Variants in SCO1 observed in about 807,000 individuals in gnomAD.
SCO1 encodes the protein synthesis of cytochrome C oxidase 1, also known as cytochrome c oxidase assembly factor SCO1.
A neutral mutation model predicts 34.0 loss-of-function variants in SCO1; 23 were observed. That is an observed-to-expected ratio of 0.68 (90% CI 0.49 to 0.96). The LOEUF is 0.96. SCO1 is among the 40% of genes least tolerant of loss of function. SCO1 has a pLI of 0.00. For missense variants in SCO1, 404 were observed against 381.6 expected, an observed-to-expected ratio of 1.06 and a Z score of -0.49; for synonymous variants, 161 against 145.5, an observed-to-expected ratio of 1.11 and a Z score of -0.77.
rs1567576986 is a variant in SCO1 at position 10,696,077 on chromosome 17, A to AT, written c.274-247_274-246insA. On this transcript the variant is annotated intron_variant, in intron 1 of 5. Coordinates refer to ENST00000255390, the MANE Select transcript of SCO1 (RefSeq NM_004589.4). Reference sequence around the variant, plus strand: ...TCAGTTCTCTTCATGTAAATAAAAAAAAAAAAAAAAAAAAAAAAAAGCTCA... The same window carrying AT: ...TCAGTTCTCTTCATGTAAATAAAAAATAAAAAAAAAAAAAAAAAAAAGCTCA... Among the ~76,000 whole-genome samples the AT allele has an allele frequency of 2.0e-5, 3 of 149,418 alleles. No homozygotes were observed. The East Asian group carries it at 5.9e-4, about 29-fold the overall frequency.
At chr17:10,686,395 C>G (rs192537564) in intron 5 of SCO1, among the ~76,000 whole-genome samples, 1 of 151,790 alleles carries the variant, frequency 6.6e-6, no homozygotes, top group South Asian at 2.1e-4. Flanking sequence ...GCCTGGCCAA[C>G]GTGGTGAAAC....
At position 10,677,894 on chromosome 17, in the gene SCO1, T is replaced by C. The variant is rs2074592472; in HGVS notation, c.*3225A>G. The C allele has an allele frequency of 6.6e-6, 1 of 152,232 alleles. No homozygotes were observed. The highest frequency in any genetic ancestry group is 2.4e-5 in the African/African-American group (1 of 41,420). 9.4% of individuals were successfully genotyped at this position (152,232 alleles called of 1,614,324 possible). ...CACTTTGGGAGGCCGAGGCGGCGGA[T>C]CACCTGAGGTCGGGAGTTTGAGACC... On this transcript the variant is annotated 3_prime_UTR_variant, in exon 6 of 6. Transcript: ENST00000255390.
chr17:10,684,799 C>A (rs116154410), intron 5 of SCO1, among the ~76,000 whole-genome samples: 1 of 152,208 alleles, frequency 6.6e-6, no homozygotes, highest in African/African-American at 2.4e-5. Context: ...GACAGAAGTC[C>A]GGAAAGTCCT....
At chr17:10,688,560 A>G (rs2074670900) in intron 4 of SCO1, among the ~76,000 whole-genome samples, 1 of 152,212 alleles carries the variant, frequency 6.6e-6, no homozygotes. Flanking sequence ...GCAGAAATAT[A>G]CCATTTTGGA....
Position 10,686,978 on chromosome 17 carries a change from T to C in SCO1, c.656-136A>G, listed in dbSNP as rs1016345358. ...TGAGTCTCCAAACATTTCTTCACGATTCAAAGGAAAAGGAGAAGAAATTCA... is the reference window on the plus strand; with the variant it reads ...TGAGTCTCCAAACATTTCTTCACGACTCAAAGGAAAAGGAGAAGAAATTCA... On this transcript the variant is annotated intron_variant, in intron 4 of 5. Coordinates refer to ENST00000255390, the MANE Select transcript of SCO1 (RefSeq NM_004589.4). The C allele has an allele frequency of 8.7e-6, 6 of 690,158 alleles. No individual in the cohort carries two copies. In the African/African-American group the frequency reaches 1.1e-4, roughly 12 times the overall value. The allele number at this position is 690,158 out of a possible 1,614,324, so 42.8% of individuals were successfully genotyped here. A position where few individuals can be genotyped will look rare whatever the true frequency, so the allele number is the denominator to read the frequency against.
intron 5 of SCO1, among the ~76,000 whole-genome samples, chr17:10,684,629 C>T (rs1471229184): frequency 1.3e-5 from 2 of 152,188 alleles, no homozygotes; most frequent in Non-Finnish European, 2.9e-5. Flanking sequence ...GTTATGAGTT[C>T]TAAGCATCAA....
chr17:10,676,300 A>C lies in SCO1; in HGVS notation c.*4819T>G, dbSNP rs2074580146. The C allele has an allele frequency of 6.6e-6, 1 of 152,142 alleles. No individual in the cohort carries two copies. Among genetic ancestry groups the C allele is most frequent in the Non-Finnish European group, 1.5e-5 (1 of 68,058 alleles). 9.4% of individuals were successfully genotyped at this position (152,142 alleles called of 1,614,324 possible). ...AGAGACGGGTTTCTCCATGTTGGTCAGGCCAGTCTCGAACTCTCAACCTCA... is the reference window on the plus strand; with the variant it reads ...AGAGACGGGTTTCTCCATGTTGGTCCGGCCAGTCTCGAACTCTCAACCTCA... On this transcript the variant is annotated 3_prime_UTR_variant, in exon 6 of 6. Coordinates refer to ENST00000255390, the MANE Select transcript of SCO1 (RefSeq NM_004589.4).
intron 3 of SCO1, 128 bp from the exon 4 acceptor site, chr17:10,692,092 A>G: frequency 1.4e-6 from 1 of 721,092 alleles, no homozygotes; most frequent in Middle Eastern, 2.3e-4. Context: ...ACATCTTAAC[A>G]TTCAGGTGAA....
chr17:10,688,932 C>A (rs370137257), intron 4 of SCO1, among the ~76,000 whole-genome samples: 1 of 141,982 alleles, frequency 7.0e-6, no homozygotes, highest in Non-Finnish European at 1.5e-5. Flanking sequence ...CCGGCTAAAA[C>A]GGTGAAACCC....
chr17:10,696,234 C>T (rs2074724688), intron 1 of SCO1, among the ~76,000 whole-genome samples: 1 of 152,058 alleles, frequency 6.6e-6, no homozygotes, highest in African/African-American at 2.4e-5. Context: ...CACCTGAGGT[C>T]GGGAGTTTGA....
At chr17:10,688,520 C>T (rs1253544118) in intron 4 of SCO1, among the ~76,000 whole-genome samples, 1 of 152,112 alleles carries the variant, frequency 6.6e-6, no homozygotes, top group Admixed American at 6.5e-5. Context: ...TGTGGAGGAG[C>T]TGGGACTCTC....
chr17:10,690,713 T>TA (rs1225542732), intron 4 of SCO1, among the ~76,000 whole-genome samples: 3 of 152,186 alleles, frequency 2.0e-5, no homozygotes. Context: ...ATGAAAACAG[T>TA]ATATTGAAGA....
chr17:10,686,789 C>T lies in SCO1; in HGVS notation c.709G>A (p.Val237Met), dbSNP rs1200800029. The T allele has an allele frequency of 1.2e-6, 2 of 1,613,956 alleles. No homozygotes were observed. The highest frequency in any genetic ancestry group is 1.1e-5 in the South Asian group (1 of 91,080). The change falls in exon 5 of 6, where the codon GTG becomes ATG. Residue 237 changes from valine to methionine, a missense_variant. Physicochemically the swap from Val to Met is conservative, Grantham distance 21. Coordinates refer to ENST00000255390, the MANE Select transcript of SCO1 (RefSeq NM_004589.4). ...TAATACACTCTGTATGCTCTGGCCACTTGATCGACCTCTTCTCTCGTGCCA... is the reference window on the plus strand; with the variant it reads ...TAATACACTCTGTATGCTCTGGCCATTTGATCGACCTCTTCTCTCGTGCCA... Reference protein sequence around the residue: ...LTGTREEVDQVARAYRVYYSP... With the variant: ...LTGTREEVDQMARAYRVYYSP...
chr17:10,684,574 G>C (rs2662954), intron 5 of SCO1, among the ~76,000 whole-genome samples: 5,628 of 152,138 alleles, frequency 0.037, 362 homozygotes, highest in African/African-American at 0.13. Context: ...AGGCTGTTTG[G>C]GTTTATTTGT....
At chr17:10,689,102 C>T (rs937131737) in intron 4 of SCO1, among the ~76,000 whole-genome samples, 4 of 112,152 alleles carry the variant, frequency 3.6e-5, no homozygotes, top group South Asian at 5.3e-4. Flanking sequence ...GGCGACAGAG[C>T]GAGACTCCGT....
rs2074607124 is a variant in SCO1, at chr17:10,679,551, C to A, written c.*1568G>T. On this transcript the variant is annotated 3_prime_UTR_variant, in exon 6 of 6. Coordinates refer to ENST00000255390, the MANE Select transcript of SCO1 (RefSeq NM_004589.4). ...AAAAAGAATCTGTTGTCTATCTAGG[C>A]ATTATATTTGTTGCATCTTAGGATT... 6.6e-6 allele frequency: 1 copy of A among 152,124 alleles called. No individual in the cohort carries two copies. Among genetic ancestry groups the A allele is most frequent in the Admixed American group, 6.5e-5 (1 of 15,270 alleles). 9.4% of individuals were successfully genotyped at this position (152,124 alleles called of 1,614,324 possible).
At chr17:10,692,619 G>C in intron 3 of SCO1, 145 bp downstream of exon 3, 1 of 712,830 alleles carries the variant, frequency 1.4e-6, no homozygotes, top group Non-Finnish European at 2.4e-6. Flanking sequence ...AAGATTCAAA[G>C]CAACAAACAA....
intron 5 of SCO1, among the ~76,000 whole-genome samples, chr17:10,684,458 T>C (rs2074641892): frequency 6.6e-6 from 1 of 152,240 alleles, no homozygotes; most frequent in Admixed American, 6.5e-5. Context: ...GTTGGGTATG[T>C]GATAGCAGTC....
intron 5 of SCO1, among the ~76,000 whole-genome samples, chr17:10,686,183 A>C (rs1465516966): frequency 6.6e-6 from 1 of 152,164 alleles, no homozygotes; most frequent in Admixed American, 6.5e-5. Flanking sequence ...CGGAGGTCGA[A>C]GTGAGCCAAG....
Sources: allele counts gnomAD v4.1 joint callset (sites outside exome capture counted in the v4.1 genomes callset), GRCh38; gene constraint gnomAD v4.1.1; transcripts MANE v1.5; gene names NCBI Gene and HGNC (gene_info 2026-07-23, HGNC 2026-07-21).